Variants in CACNA1B observed in about 807,000 individuals in gnomAD.
CACNA1B encodes the protein calcium voltage-gated channel subunit alpha1 B, also known as voltage-dependent N-type calcium channel subunit alpha-1B.
In CACNA1B, 70 loss-of-function variants were observed where a neutral mutation model predicts 247.2. That is an observed-to-expected ratio of 0.28 (90% CI 0.23 to 0.35). CACNA1B has a LOEUF of 0.35. CACNA1B is among the 10% of genes least tolerant of loss of function. CACNA1B has a pLI of 1.00. For synonymous variants in CACNA1B, 1,231 were observed against 1,294.4 expected (o/e 0.95, Z 1.05); for missense variants, 2,367 against 3,197.4 (o/e 0.74, Z 6.26).
intron 37 of CACNA1B, chr9:138,101,151 C>A (rs770886030): frequency 3.8e-6 from 2 of 533,028 alleles, no homozygotes; most frequent in South Asian, 1.4e-5. Context: ...CGTTGTATTG[C>A]GCCACCCGTT....
intron 36 of CACNA1B, among the ~76,000 whole-genome samples, chr9:138,080,347 G>A (rs774263370): frequency 6.6e-6 from 1 of 152,172 alleles, no homozygotes; most frequent in Non-Finnish European, 1.5e-5. Flanking sequence ...AAAGGGAGCC[G>A]GAAAAGTAGG....
Position 138,049,276 on chromosome 9 carries a change from T to A in CACNA1B, c.3671T>A (p.Phe1224Tyr). The A allele has an allele frequency of 6.2e-7, 1 of 1,613,582 alleles. No homozygotes were observed. The highest frequency in any genetic ancestry group is 8.5e-7 in the Non-Finnish European group (1 of 1,179,474). Residue 1224 changes from phenylalanine to tyrosine, a missense_variant, in exon 24 of 47, where the codon TTC becomes TAC. Phe to Tyr is a conservative substitution (Grantham distance 22). Transcript: ENST00000371372. ...YFRDLWNILD[F>Y]IVVSGALVAF... ...CGGGACTTGTGGAACATTCTGGACT[T>A]CATTGTGGTCAGTGGCGCCCTGGTG...
At chr9:138,069,164 C>G (rs1302295044) in intron 31 of CACNA1B, among the ~76,000 whole-genome samples, 5 of 152,114 alleles carry the variant, frequency 3.3e-5, no homozygotes, top group Non-Finnish European at 5.9e-5. Flanking sequence ...ACTGGTGGTG[C>G]TTTGTTTTGT....
At chr9:137,984,711 G>A (rs1206022349) in intron 13 of CACNA1B, among the ~76,000 whole-genome samples, 6 of 152,174 alleles carry the variant, frequency 3.9e-5, no homozygotes, top group Non-Finnish European at 7.3e-5. Flanking sequence ...GAGCCAGCCT[G>A]GCACCTGCCT....
rs1960178762 is a variant in CACNA1B at position 138,072,872 on chromosome 9, G to A, written c.4675-616G>A. Among the ~76,000 whole-genome samples, 1 of 152,240 alleles carries A rather than the reference G, an allele frequency of 6.6e-6. No homozygotes were observed. The highest frequency in any genetic ancestry group is 1.5e-5 in the Non-Finnish European group (1 of 68,036). ...GGCCTGTTTGACCGTGAATTGCAGAGGTGGCTTCCGTGGTGTGAGCAGCAG... is the reference window on the plus strand; with the variant it reads ...GGCCTGTTTGACCGTGAATTGCAGAAGTGGCTTCCGTGGTGTGAGCAGCAG... On this transcript the variant is annotated intron_variant, in intron 32 of 46. Transcript: ENST00000371372. The surrounding 1 kb of genome is among the most constrained non-coding windows in gnomAD (Gnocchi z 4.5).
At chr9:138,040,868 C>G (rs1388859167) in intron 20 of CACNA1B, among the ~76,000 whole-genome samples, 1 of 152,156 alleles carries the variant, frequency 6.6e-6, no homozygotes, top group Admixed American at 6.6e-5. Context: ...AGTTGACGCT[C>G]AGTATTAAAC....
Position 137,924,299 on chromosome 9 carries a change from G to C in CACNA1B, c.966+6868G>C, listed in dbSNP as rs371901057. Among the ~76,000 whole-genome samples, 94 of 150,162 alleles carry C rather than the reference G, an allele frequency of 6.3e-4. 1 individual carries two copies. In the South Asian group the frequency reaches 0.02, roughly 31 times the overall value. On this transcript the variant is annotated intron_variant, in intron 6 of 46. Transcript: ENST00000371372. ...AAAAGTGTGAGGTTTTTGCCTGCCT[G>C]CCTTCCTTCCTTCCTTCTTTCCTTC...
rs542938013 is a variant in CACNA1B at position 138,038,728 on chromosome 9, T to C, written c.3287-5046T>C. ...CTTCTTTACCTCCCTGTCTTGCTTT[T>C]GTCTTCCCGTCTGGAAGCCCGTCTC... On this transcript the variant is annotated intron_variant, in intron 20 of 46. Coordinates refer to ENST00000371372, the MANE Select transcript of CACNA1B (RefSeq NM_000718.4). Among the ~76,000 whole-genome samples, 3 of 152,364 alleles carry C rather than the reference T, an allele frequency of 2.0e-5. No individual in the cohort carries two copies. In the East Asian group the frequency reaches 5.8e-4, roughly 29 times the overall value.
rs146520308 is a variant in CACNA1B, at chr9:137,892,216, G to A, written c.530+9333G>A. 6.2e-3 allele frequency: 2,815 copies of A among 456,804 alleles called. 27 individuals carry two copies. Among genetic ancestry groups the A allele is most frequent in the Middle Eastern group, 0.021 (65 of 3,076 alleles). The allele number at this position is 456,804 out of a possible 1,614,324, so 28.3% of individuals were successfully genotyped here. A position where few individuals can be genotyped will look rare whatever the true frequency, so the allele number is the denominator to read the frequency against. ...CTGGAGCAAAGCAGCACAGCCGGGC[G>A]CTGCAACAGCAGACATTTCCTTCTC... is the stretch of plus-strand genomic sequence containing the variant. On this transcript the variant is annotated intron_variant, in intron 3 of 46. Transcript: ENST00000371372.
At chr9:138,091,616 T>C (rs535540439) in intron 36 of CACNA1B, among the ~76,000 whole-genome samples, 1 of 152,356 alleles carries the variant, frequency 6.6e-6, no homozygotes, top group African/African-American at 2.4e-5. Flanking sequence ...TACTGTGATT[T>C]GATCATTACA....
At chr9:137,905,756 C>A (rs956341881) in intron 3 of CACNA1B, among the ~76,000 whole-genome samples, 1 of 152,188 alleles carries the variant, frequency 6.6e-6, no homozygotes, top group Non-Finnish European at 1.5e-5. Flanking sequence ...AATATTAATT[C>A]GGAAAATCTG....
chr9:138,004,312 T>C (rs2133409040), intron 15 of CACNA1B, among the ~76,000 whole-genome samples: 1 of 152,138 alleles, frequency 6.6e-6, no homozygotes, highest in East Asian at 1.9e-4. Flanking sequence ...TGCAGGAGGC[T>C]GAGGGGGGGC....
intron 3 of CACNA1B, among the ~76,000 whole-genome samples, chr9:137,900,981 TCTGTGTCC>T (rs1391295178): frequency 4.0e-5 from 6 of 149,666 alleles, no homozygotes; most frequent in Admixed American, 4.0e-4. Flanking sequence ...TGTCTCTGTG[TCTGTGTCC>T]CTGTGTCCGT....
chr9:137,879,087 C>G lies in CACNA1B; in HGVS notation c.318C>G (p.Ile106Met). Residue 106 changes from isoleucine to methionine, a missense_variant, in exon 2 of 47, where the codon ATC becomes ATG. By Grantham distance (10) the Ile-to-Met change is conservative (BLOSUM62 1). Around this residue, in one of 12 missense-constraint regions of CACNA1B, gnomAD observed 130 missense variants for 338.7 expected, o/e 0.38. Coordinates refer to ENST00000371372, the MANE Select transcript of CACNA1B (RefSeq NM_000718.4). ...PFEYMILATI[I>M]ANCIVLALEQ... is the part of the protein sequence containing the mutation. ...AGTATATGATCCTGGCCACCATCAT[C>G]GCCAACTGCATCGTGCTGGCCCTGG... The G allele has an allele frequency of 1.2e-6, 2 of 1,612,322 alleles. No homozygotes were observed. Among genetic ancestry groups the G allele is most frequent in the Non-Finnish European group, 1.7e-6 (2 of 1,179,120 alleles).
intron 18 of CACNA1B, among the ~76,000 whole-genome samples, chr9:138,013,815 C>T (rs1441664638): frequency 6.6e-6 from 1 of 152,214 alleles, no homozygotes; most frequent in Non-Finnish European, 1.5e-5. Context: ...TGCACTGAGC[C>T]GAGCTGTGGG....
chr9:138,084,884 G>A (rs771668481), intron 36 of CACNA1B, among the ~76,000 whole-genome samples: 21 of 149,870 alleles, frequency 1.4e-4, no homozygotes, highest in Non-Finnish European at 2.4e-4. Flanking sequence ...CCTGGGAGGC[G>A]GAGCTTGTAG....
chr9:137,878,271 G>C, intron 1 of CACNA1B, 54 bp downstream of exon 1: 1 of 1,139,582 alleles, frequency 8.8e-7, no homozygotes, highest in Non-Finnish European at 1.1e-6. Flanking sequence ...GGTGGGGGCC[G>C]GGGCCGGGGC....
intron 36 of CACNA1B, among the ~76,000 whole-genome samples, chr9:138,095,779 G>T (rs1961033184): frequency 1.3e-5 from 2 of 152,176 alleles, no homozygotes. Context: ...GCCATAAAAA[G>T]AAGTGAAGTA....
intron 18 of CACNA1B, chr9:138,017,156 G>C (rs776636453): frequency 9.6e-6 from 5 of 518,942 alleles, no homozygotes; most frequent in Non-Finnish European, 1.5e-5. Flanking sequence ...AAGCAAGCTC[G>C]AGGTACTGTA....
Sources: allele counts gnomAD v4.1 joint callset (sites outside exome capture counted in the v4.1 genomes callset), GRCh38; gene constraint gnomAD v4.1.1; regional missense constraint gnomAD v4.1.1; non-coding constraint Gnocchi (gnomAD v3.1); transcripts MANE v1.5; gene names NCBI Gene and HGNC (gene_info 2026-07-23, HGNC 2026-07-21).